Variants in ARHGAP29 observed in about 807,000 individuals in gnomAD.
ARHGAP29 encodes the protein rho GTPase-activating protein 29.
Under a neutral mutation model 122.6 loss-of-function variants are expected in ARHGAP29, and 43 were observed. The observed-to-expected ratio is 0.35, with a 90% confidence interval of 0.27 to 0.45. The LOEUF is 0.45. Among genes scored for constraint, ARHGAP29 ranks in the 20% least tolerant of loss-of-function variants. ARHGAP29 has a pLI of 1.00. For synonymous variants in ARHGAP29, 506 were observed against 497.1 expected (o/e 1.02, Z -0.24); for missense variants, 1,303 against 1,477.2 (o/e 0.88, Z 1.93).
chr1:94,220,208 C>T (rs755238183), intron 3 of ARHGAP29, 50 bp downstream of exon 3: 1 of 1,606,636 alleles, frequency 6.2e-7, no homozygotes, highest in African/African-American at 1.3e-5. Flanking sequence ...AAATATATCA[C>T]TTGGCTCCTT....
At chr1:94,284,568 G>T in the ARHGAP29 span, among the ~76,000 whole-genome samples, 1 of 152,198 alleles carries the variant, frequency 6.6e-6, no homozygotes, top group African/African-American at 2.4e-5. Context: ...GCCAATGCAT[G>T]GTTGGCTATG....
chr1:94,270,340 G>GACTTTTTTGGGAAT (rs1241954599), intron 1 of ARHGAP29, among the ~76,000 whole-genome samples: 6 of 152,202 alleles, frequency 3.9e-5, no homozygotes, highest in Admixed American at 2.0e-4. Flanking sequence ...AGAGTCTGAT[G>GACTTTTTTGGGAAT]AGCCTTTTGG....
At position 94,179,853 on chromosome 1, in the gene ARHGAP29, A is replaced by T. The variant is rs1649342736; in HGVS notation, c.2352T>A (p.Leu784=). Reference sequence around the variant, plus strand: ...ACATATTTGGCCATTTTTTGTCTTCAAGACTATTCTTTTTTGTCTCTTGTT... The same window carrying T: ...ACATATTTGGCCATTTTTTGTCTTCTAGACTATTCTTTTTTGTCTCTTGTT... ...NEEQETKKNS[L]EDKKWPNMCI... The change falls in exon 20 of 23, where the codon CTT becomes CTA. Residue 784 remains leucine, a synonymous_variant. Coordinates refer to ENST00000260526, the MANE Select transcript of ARHGAP29 (RefSeq NM_004815.4). 6.2e-7 allele frequency: 1 copy of T among 1,613,242 alleles called. No individual in the cohort carries two copies.
chr1:94,186,588 T>C lies in ARHGAP29; in HGVS notation c.1691A>G (p.His564Arg). Residue 564 changes from histidine to arginine, a missense_variant, in exon 16 of 23, where the codon CAT (histidine) becomes CGT (arginine). Physicochemically the swap from His to Arg is conservative, Grantham distance 29 (BLOSUM62 0). Transcript: ENST00000260526. Reference sequence around the variant, plus strand: ...GGATGGTGTTCGTGGAAGTTTTCGATGAAAGTCTCCTAGAAGAAAATTGTG... The same window carrying C: ...GGATGGTGTTCGTGGAAGTTTTCGACGAAAGTCTCCTAGAAGAAAATTGTG... ...DSESISPGDF[H>R]RKLPRTPSSG... 1 of 1,613,180 alleles carries C rather than the reference T, an allele frequency of 6.2e-7. No homozygotes were observed. Among genetic ancestry groups the C allele is most frequent in the Admixed American group, 1.7e-5 (1 of 59,964 alleles).
At chr1:94,269,970 G>A (rs1488113420) in intron 1 of ARHGAP29, among the ~76,000 whole-genome samples, 1 of 152,098 alleles carries the variant, frequency 6.6e-6, no homozygotes, top group Non-Finnish European at 1.5e-5. Context: ...CATGAAAATT[G>A]GAGAAAATCA....
chr1:94,208,324 A>G (rs949857549), intron 5 of ARHGAP29, among the ~76,000 whole-genome samples: 12 of 152,336 alleles, frequency 7.9e-5, no homozygotes, highest in African/African-American at 1.4e-4. Flanking sequence ...AATGATCAAC[A>G]TAAGTCCCTG....
At chr1:94,281,801 G>A in the ARHGAP29 span, among the ~76,000 whole-genome samples, 1 of 152,162 alleles carries the variant, frequency 6.6e-6, no homozygotes, top group African/African-American at 2.4e-5. Flanking sequence ...TCAATTGTGA[G>A]TAATAAGTGC....
intron 2 of ARHGAP29, among the ~76,000 whole-genome samples, chr1:94,222,483 A>G (rs1652360141): frequency 1.3e-5 from 2 of 152,170 alleles, no homozygotes; most frequent in Admixed American, 6.5e-5. Flanking sequence ...CTTCCTCCCA[A>G]TATCCCATAA....
intron 1 of ARHGAP29, among the ~76,000 whole-genome samples, chr1:94,232,075 A>G (rs1416457279): frequency 1.3e-5 from 2 of 152,166 alleles, no homozygotes; most frequent in East Asian, 3.9e-4. Flanking sequence ...AACATCACTT[A>G]GTAGAAGGTC....
chr1:94,309,783 G>A, the ARHGAP29 span, among the ~76,000 whole-genome samples: 23 of 152,256 alleles, frequency 1.5e-4, no homozygotes, highest in South Asian at 2.1e-4. Context: ...CAACCAGAGG[G>A]CAGAAGAAGA....
At chr1:94,193,010 A>C (rs1650216694) in intron 12 of ARHGAP29, 2 of 152,158 alleles carry the variant, frequency 1.3e-5, no homozygotes, top group Admixed American at 6.5e-5. Flanking sequence ...GATTAGATGA[A>C]AAATCTACAA....
chr1:94,244,539 T>C (rs753135379), intron 1 of ARHGAP29, among the ~76,000 whole-genome samples: 8 of 152,044 alleles, frequency 5.3e-5, no homozygotes, highest in Non-Finnish European at 1.0e-4. Context: ...AGGATTAATA[T>C]TGTTACTGAG....
chr1:94,208,558 C>T (rs971691351), intron 5 of ARHGAP29, among the ~76,000 whole-genome samples: 3 of 151,710 alleles, frequency 2.0e-5, no homozygotes, highest in African/African-American at 4.8e-5. Context: ...CTCCCGGGTT[C>T]GAGCAATTCT....
chr1:94,268,049 T>A (rs1278335116), intron 1 of ARHGAP29, among the ~76,000 whole-genome samples: 4 of 152,044 alleles, frequency 2.6e-5, no homozygotes, highest in Admixed American at 6.6e-5. Context: ...AACATAAACT[T>A]CTTCTGATAA....
the ARHGAP29 span, among the ~76,000 whole-genome samples, chr1:94,299,649 C>T: frequency 5.9e-5 from 9 of 152,120 alleles, no homozygotes; most frequent in African/African-American, 2.2e-4. Flanking sequence ...GTTGGCTAGG[C>T]TGTTGTATTC....
chr1:94,284,967 ACT>A, the ARHGAP29 span, among the ~76,000 whole-genome samples: 3 of 152,006 alleles, frequency 2.0e-5, no homozygotes, highest in Non-Finnish European at 2.9e-5. Flanking sequence ...GAGTACAAAC[ACT>A]CTTTTTACAC....
At chr1:94,265,191 T>C (rs1464958711) in intron 1 of ARHGAP29, among the ~76,000 whole-genome samples, 3 of 152,220 alleles carry the variant, frequency 2.0e-5, no homozygotes. Context: ...ATCTCTGGCT[T>C]CAGCATCCTG....
the ARHGAP29 span, among the ~76,000 whole-genome samples, chr1:94,294,252 A>G: frequency 6.6e-6 from 1 of 151,180 alleles, no homozygotes; most frequent in Admixed American, 6.6e-5. Flanking sequence ...CAGCAATTAT[A>G]TATACATACA....
In ARHGAP29 at chr1:94,243,502, A is replaced by G. The variant is rs1482337666; in HGVS notation, c.-32-11859T>C. Among the ~76,000 whole-genome samples the G allele has an allele frequency of 2.6e-5, 4 of 152,100 alleles. No homozygotes were observed. The East Asian group carries it at 7.7e-4, about 29-fold the overall frequency. On this transcript the variant is annotated intron_variant and NMD_transcript_variant, in intron 1 of 25. Transcript: ENST00000552844. ...TTTTAATATATTTTGAACTGAATGAAAATGAAAACCCATTTCAAAATGTGG... is the reference window on the plus strand; with the variant it reads ...TTTTAATATATTTTGAACTGAATGAGAATGAAAACCCATTTCAAAATGTGG...
Sources: gnomAD v4.1 joint callset for allele counts (sites outside exome capture counted in the v4.1 genomes callset) on GRCh38, gnomAD v4.1.1 for gene constraint, MANE v1.5 for transcripts, NCBI Gene and HGNC (gene_info 2026-07-23, HGNC 2026-07-21) for gene names.